Variants in HDLBP observed in about 807,000 individuals in gnomAD.
HDLBP encodes the protein vigilin.
HDLBP carries 30 observed loss-of-function variants against 137.3 expected under a neutral mutation model. The observed-to-expected ratio is 0.22, with a 90% confidence interval of 0.16 to 0.30. The LOEUF (loss-of-function observed/expected upper bound fraction) is 0.30. HDLBP is among the 10% of genes least tolerant of loss of function. HDLBP has a pLI of 1.00. For missense variants in HDLBP, 1,119 were observed against 1,667.3 expected, an observed-to-expected ratio of 0.67 and a Z score of 5.73; for synonymous variants, 606 against 596.0, an observed-to-expected ratio of 1.02 and a Z score of -0.24.
chr2:241,264,333 G>C, intron 4 of HDLBP, 115 bp downstream of exon 4: 3 of 699,638 alleles, frequency 4.3e-6, no homozygotes, highest in Non-Finnish European at 6.8e-6. Context: ...CTGCACTCCA[G>C]CCTGGGCGAC....
chr2:241,230,138 C>T lies in HDLBP; in HGVS notation c.3591+15G>A, dbSNP rs758254019. The T allele has an allele frequency of 1.2e-5, 20 of 1,603,862 alleles. No individual in the cohort carries two copies. The highest frequency in any genetic ancestry group is 1.6e-5 in the Non-Finnish European group (19 of 1,171,014). On this transcript the variant is annotated intron_variant, in intron 26 of 27. Coordinates refer to ENST00000310931, the MANE Select transcript of HDLBP (RefSeq NM_005336.6). The surrounding 1 kb of genome is among the most constrained non-coding windows in gnomAD (Gnocchi z 5.0). ...GCCAGGGCGCCTCAGGGCTCCAAGG[C>T]CCACAGAGACTCACGTATTCCTCCT...
chr2:241,272,931 C>T lies in HDLBP; in HGVS notation c.-102-4390G>A, dbSNP rs1005903295. 9.8e-6 allele frequency: 8 copies of T among 816,856 alleles called. No homozygotes were observed. The African/African-American group carries it at 1.3e-4, about 13-fold the overall frequency. The allele number at this position is 816,856 out of a possible 1,614,324, so 50.6% of individuals were successfully genotyped here. On this transcript the variant is annotated intron_variant, in intron 1 of 27. Coordinates refer to ENST00000310931, the MANE Select transcript of HDLBP (RefSeq NM_005336.6). This position sits in a 1 kb window ranked among gnomAD's most constrained non-coding sequence, Gnocchi z 5.6. ...CGCCCCGCCGCTGGGGTCCCCGCCG[C>T]CCCGGGCCGCCCAGCACCCGGGAGG...
intron 1 of HDLBP, among the ~76,000 whole-genome samples, chr2:241,296,252 A>T (rs2149674434): frequency 6.6e-6 from 1 of 152,332 alleles, no homozygotes; most frequent in African/African-American, 2.4e-5. Context: ...TATTTGATAC[A>T]AGTGCCATTT....
intron 21 of HDLBP, 94 bp downstream of exon 21, chr2:241,236,521 G>T: frequency 2.3e-6 from 3 of 1,294,756 alleles, no homozygotes; most frequent in Non-Finnish European, 3.3e-6. Context: ...ACTGCCGCTT[G>T]GGCAACCGTC....
chr2:241,274,943 A>G (rs1575002675), intron 1 of HDLBP, among the ~76,000 whole-genome samples: 1 of 152,142 alleles, frequency 6.6e-6, no homozygotes, highest in Admixed American at 6.5e-5. Context: ...CCTATTCCAT[A>G]AAGTCATGAT....
intron 1 of HDLBP, among the ~76,000 whole-genome samples, chr2:241,281,633 CAT>C (rs2074609339): frequency 6.6e-6 from 1 of 152,198 alleles, no homozygotes; most frequent in African/African-American, 2.4e-5. Flanking sequence ...CTACTGGCCA[CAT>C]GTCACTACAG....
intron 1 of HDLBP, among the ~76,000 whole-genome samples, chr2:241,306,155 T>C (rs6757876): frequency 0.17 from 25,093 of 151,954 alleles, 2,590 homozygotes; most frequent in Admixed American, 0.36. Flanking sequence ...CAGCTCCAAG[T>C]GTTATCCTTC....
At chr2:241,236,223 G>A (rs1161536206) in intron 21 of HDLBP, 4 of 254,858 alleles carry the variant, frequency 1.6e-5, no homozygotes, top group South Asian at 6.4e-5. Flanking sequence ...GTACGCAGGT[G>A]GCACTCGACA....
intron 16 of HDLBP, among the ~76,000 whole-genome samples, chr2:241,245,145 T>G (rs12622163): frequency 6.6e-6 from 1 of 151,918 alleles, no homozygotes; most frequent in Non-Finnish European, 1.5e-5. Context: ...ATAACATATA[T>G]AATCACAACT....
intron 20 of HDLBP, among the ~76,000 whole-genome samples, chr2:241,237,217 G>A (rs1337174927): frequency 1.3e-5 from 2 of 152,200 alleles, no homozygotes; most frequent in Non-Finnish European, 1.5e-5. Context: ...AGGAGAGGCA[G>A]TGGGAAGGGG....
At chr2:241,232,584 C>T (rs931120008) in intron 24 of HDLBP, among the ~76,000 whole-genome samples, 1 of 152,064 alleles carries the variant, frequency 6.6e-6, no homozygotes, top group Non-Finnish European at 1.5e-5. Flanking sequence ...CCTATAATGA[C>T]TTTTAAGATT....
intron 3 of HDLBP, 133 bp from the exon 4 acceptor site, chr2:241,264,738 C>T: frequency 1.2e-6 from 1 of 829,018 alleles, no homozygotes; most frequent in Admixed American, 2.5e-5. Context: ...CCCCCCACCC[C>T]TCTCTTCTAA....
At chr2:241,294,078 TTGCC>T (rs2075097391) in intron 1 of HDLBP, among the ~76,000 whole-genome samples, 1 of 152,220 alleles carries the variant, frequency 6.6e-6, no homozygotes, top group African/African-American at 2.4e-5. Flanking sequence ...AATATTATCT[TTGCC>T]TGGTTTTGAA....
At chr2:241,237,429 CACA>C (rs2149375106) in intron 20 of HDLBP, among the ~76,000 whole-genome samples, 1 of 152,268 alleles carries the variant, frequency 6.6e-6, no homozygotes, top group South Asian at 2.1e-4. Flanking sequence ...ACAAAACAGA[CACA>C]ACAATAATTA....
At chr2:241,313,550 A>T (rs2075826420) in intron 1 of HDLBP, among the ~76,000 whole-genome samples, 1 of 152,212 alleles carries the variant, frequency 6.6e-6, no homozygotes, top group Non-Finnish European at 1.5e-5. Flanking sequence ...AAGTGCTGGG[A>T]TTACAAGCGT....
Position 241,253,372 on chromosome 2 carries a change from A to G in HDLBP, c.1293+21T>C, listed in dbSNP as rs1426999150. 4.6e-6 allele frequency: 7 copies of G among 1,511,714 alleles called. No individual in the cohort carries two copies. The South Asian group carries it at 7.8e-5, about 17-fold the overall frequency. 93.6% of individuals were successfully genotyped at this position (1,511,714 alleles called of 1,614,324 possible). A position where few individuals can be genotyped will look rare whatever the true frequency, so the allele number is the denominator to read the frequency against. ...GCCTCCCTTGTCACCAGCACACACA[A>G]CATTCCAAGGGGTACCTTACCAAAT... On this transcript the variant is annotated intron_variant, in intron 10 of 27. Transcript: ENST00000310931.
At chr2:241,263,014 C>T in intron 4 of HDLBP, 88 bp from the exon 5 acceptor site, 2 of 1,029,938 alleles carry the variant, frequency 1.9e-6, no homozygotes, top group Non-Finnish European at 2.9e-6. Flanking sequence ...TCATCACCAT[C>T]CACTCACAAA....
intron 1 of HDLBP, among the ~76,000 whole-genome samples, chr2:241,309,758 A>G (rs1037103337): frequency 6.6e-6 from 1 of 152,238 alleles, no homozygotes; most frequent in Non-Finnish European, 1.5e-5. Context: ...GACACCAGTT[A>G]CAGAGGAGGG....
chr2:241,287,805 A>C (rs1447346765), intron 1 of HDLBP, among the ~76,000 whole-genome samples: 1 of 152,234 alleles, frequency 6.6e-6, no homozygotes, highest in Non-Finnish European at 1.5e-5. Context: ...CTCTAGAAGG[A>C]AACTCAAGTC....
Sources: allele counts gnomAD v4.1 joint callset (sites outside exome capture counted in the v4.1 genomes callset), GRCh38; gene constraint gnomAD v4.1.1; non-coding constraint Gnocchi (gnomAD v3.1); transcripts MANE v1.5; gene names NCBI Gene and HGNC (gene_info 2026-07-23, HGNC 2026-07-21).